Variants in SAMTOR observed in about 807,000 individuals in gnomAD.
SAMTOR encodes the protein UPF0532 protein C7orf60.
chr7:112,850,577 C>G, the SAMTOR span, among the ~76,000 whole-genome samples: 1 of 152,116 alleles, frequency 6.6e-6, no homozygotes, highest in African/African-American at 2.4e-5. Context: ...TTCAATTTCA[C>G]TATTAGTTAT....
the SAMTOR span, among the ~76,000 whole-genome samples, chr7:112,883,783 ACTTTT>A: frequency 6.6e-6 from 1 of 152,194 alleles, no homozygotes; most frequent in East Asian, 1.9e-4. Context: ...AATGCATTTT[ACTTTT>A]CTGACTTCCC....
the SAMTOR span, among the ~76,000 whole-genome samples, chr7:112,923,759 C>T: frequency 6.6e-6 from 1 of 151,982 alleles, no homozygotes; most frequent in Non-Finnish European, 1.5e-5. Context: ...TTTATTGCGG[C>T]ACTATTCACA....
chr7:112,857,606 A>G, the SAMTOR span, among the ~76,000 whole-genome samples: 87 of 152,366 alleles, frequency 5.7e-4, no homozygotes, highest in African/African-American at 2.1e-3. Flanking sequence ...CACCAGTGAC[A>G]AAATGAAAAA....
the SAMTOR span, among the ~76,000 whole-genome samples, chr7:112,925,718 T>G: frequency 6.6e-6 from 1 of 150,388 alleles, no homozygotes; most frequent in Admixed American, 6.7e-5. Context: ...CGCTTGAACC[T>G]GGGAGGTGGA....
At chr7:112,902,208 G>C in the SAMTOR span, among the ~76,000 whole-genome samples, 1 of 151,760 alleles carries the variant, frequency 6.6e-6, no homozygotes, top group African/African-American at 2.4e-5. Context: ...TTTGAGACCA[G>C]CCTGACCTAC....
the SAMTOR span, among the ~76,000 whole-genome samples, chr7:112,900,511 C>T: frequency 6.6e-6 from 1 of 152,166 alleles, no homozygotes; most frequent in African/African-American, 2.4e-5. Context: ...TAATGTTCGG[C>T]CAAATATCTG....
chr7:112,920,399 AC>A, the SAMTOR span, among the ~76,000 whole-genome samples: 3 of 150,788 alleles, frequency 2.0e-5, no homozygotes, highest in Admixed American at 6.6e-5. Flanking sequence ...AAATTCAACA[AC>A]CCTTCATGCT....
chr7:112,846,417 A>C, the SAMTOR span, among the ~76,000 whole-genome samples: 3 of 152,114 alleles, frequency 2.0e-5, no homozygotes, highest in Non-Finnish European at 4.4e-5. Flanking sequence ...ATTGGATATT[A>C]GGCTTAGTAC....
chr7:112,918,022 C>G, the SAMTOR span, among the ~76,000 whole-genome samples: 2 of 152,214 alleles, frequency 1.3e-5, no homozygotes, highest in East Asian at 3.8e-4. Flanking sequence ...GGAAAACACT[C>G]TGCAGGATAT....
At chr7:112,907,598 C>A in the SAMTOR span, among the ~76,000 whole-genome samples, 2 of 149,364 alleles carry the variant, frequency 1.3e-5, no homozygotes, top group South Asian at 2.1e-4. Context: ...CCAAAAAAAT[C>A]AAGAAAAATT....
the SAMTOR span, among the ~76,000 whole-genome samples, chr7:112,898,785 C>T: frequency 3.9e-5 from 6 of 152,248 alleles, no homozygotes; most frequent in African/African-American, 1.4e-4. Flanking sequence ...GGGATTTTGC[C>T]TGGGAACCCA....
the SAMTOR span, among the ~76,000 whole-genome samples, chr7:112,833,938 C>A: frequency 6.6e-6 from 1 of 152,190 alleles, no homozygotes; most frequent in East Asian, 1.9e-4. Flanking sequence ...TCCCCCACAC[C>A]TTTATTTTAG....
the SAMTOR span, among the ~76,000 whole-genome samples, chr7:112,835,933 C>A: frequency 6.6e-6 from 1 of 152,068 alleles, no homozygotes; most frequent in Non-Finnish European, 1.5e-5. Flanking sequence ...GTGAACTGTG[C>A]CGTGATGAAC....
At chr7:112,874,539 T>C in the SAMTOR span, among the ~76,000 whole-genome samples, 1 of 152,082 alleles carries the variant, frequency 6.6e-6, no homozygotes, top group Non-Finnish European at 1.5e-5. Flanking sequence ...TCCCATTAGG[T>C]ACTCTATTCA....
the SAMTOR span, among the ~76,000 whole-genome samples, chr7:112,847,074 T>G: frequency 6.6e-6 from 1 of 152,182 alleles, no homozygotes; most frequent in East Asian, 1.9e-4. Flanking sequence ...TACTTTCACA[T>G]CAAGATAACT....
the SAMTOR span, among the ~76,000 whole-genome samples, chr7:112,881,093 G>C: frequency 0.043 from 6,525 of 152,310 alleles, 189 homozygotes; most frequent in Middle Eastern, 0.12. Context: ...AGAAGTGCCT[G>C]CTCCTGCCGC....
At chr7:112,859,377 T>C in the SAMTOR span, among the ~76,000 whole-genome samples, 4 of 152,122 alleles carry the variant, frequency 2.6e-5, no homozygotes, top group Non-Finnish European at 4.4e-5. Flanking sequence ...ATTTGCGGAG[T>C]TGCTGGTATA....
chr7:112,912,752 AAT>A, the SAMTOR span, among the ~76,000 whole-genome samples: 2 of 151,922 alleles, frequency 1.3e-5, no homozygotes, highest in African/African-American at 4.8e-5. Flanking sequence ...CTAAATTCCT[AAT>A]GATTTTTCAT....
the SAMTOR span, among the ~76,000 whole-genome samples, chr7:112,856,037 C>T: frequency 6.6e-6 from 1 of 152,060 alleles, no homozygotes; most frequent in East Asian, 1.9e-4. Flanking sequence ...TGTATATGTG[C>T]GCACATTTGC....
Sources: allele counts gnomAD v4.1 joint callset (sites outside exome capture counted in the v4.1 genomes callset), GRCh38; gene constraint gnomAD v4.1.1; transcripts MANE v1.5; gene names NCBI Gene and HGNC (gene_info 2026-07-23, HGNC 2026-07-21).